Variants in FKBP7 observed in about 807,000 individuals in gnomAD.
The protein encoded by FKBP7 is peptidyl-prolyl cis-trans isomerase FKBP7.
A neutral mutation model predicts 24.3 loss-of-function variants in FKBP7; 24 were observed. That is an observed-to-expected ratio of 0.99 (90% CI 0.72 to 1.39). FKBP7 has a LOEUF of 1.39. FKBP7 is among the 40% of genes most tolerant of loss of function. FKBP7 has a pLI of 0.00. For synonymous variants in FKBP7, 98 were observed against 92.8 expected (o/e 1.06, Z -0.32); for missense variants, 257 against 269.5 (o/e 0.95, Z 0.33).
chr2:178,465,646 T>C lies in FKBP7; in HGVS notation c.*124A>G, dbSNP rs1289432772. 2.3e-6 allele frequency: 2 copies of C among 877,364 alleles called. No individual in the cohort carries two copies. The highest frequency in any genetic ancestry group is 3.3e-6 in the Non-Finnish European group (2 of 613,418). The allele number at this position is 877,364 out of a possible 1,614,324, so 54.3% of individuals were successfully genotyped here. On this transcript the variant is annotated 3_prime_UTR_variant, in exon 4 of 4. Transcript: ENST00000424785. The stretch of plus-strand genomic sequence containing the variant: ...CATTTATTATACCAAAATCAATGTA[T>C]TGGGGAGATCAAAATATCTTCTCAT...
chr2:178,472,817 G>A (rs368429912), intron 2 of FKBP7, among the ~76,000 whole-genome samples: 50 of 116,248 alleles, frequency 4.3e-4, no homozygotes, highest in Admixed American at 8.5e-4. Flanking sequence ...ACACCACTGC[G>A]CTCCAATCTG....
chr2:178,469,933 A>G (rs780110171), intron 2 of FKBP7, 148 bp from the exon 3 acceptor site: 1 of 597,620 alleles, frequency 1.7e-6, no homozygotes, highest in Non-Finnish European at 2.5e-6. Flanking sequence ...CTCATCTTTT[A>G]TAACTTTTTT....
chr2:178,467,568 G>A (rs954094789), intron 3 of FKBP7, among the ~76,000 whole-genome samples: 4 of 151,940 alleles, frequency 2.6e-5, no homozygotes, highest in African/African-American at 9.7e-5. Flanking sequence ...CTATATTGTA[G>A]GATTGATATG....
At chr2:178,472,124 TA>T (rs959712186) in intron 2 of FKBP7, among the ~76,000 whole-genome samples, 1 of 151,472 alleles carries the variant, frequency 6.6e-6, no homozygotes, top group Non-Finnish European at 1.5e-5. Context: ...GCCCAGGCTG[TA>T]GTGCAGTGTC....
Position 178,464,071 on chromosome 2 carries a change from C to T in FKBP7, c.*1699G>A, listed in dbSNP as rs1684591169. The stretch of plus-strand genomic sequence containing the variant: ...ATAAGGTGTCAAATTATGTGCTAGC[C>T]ATATGTATTATTTACTAATCTCATG... On this transcript the variant is annotated 3_prime_UTR_variant, in exon 4 of 4. Coordinates refer to ENST00000424785, the MANE Select transcript of FKBP7 (RefSeq NM_181342.3). The T allele has an allele frequency of 1.3e-5, 2 of 152,056 alleles. No individual in the cohort carries two copies. Among genetic ancestry groups the T allele is most frequent in the Non-Finnish European group, 2.9e-5 (2 of 68,008 alleles). The allele number at this position is 152,056 out of a possible 1,614,324, so 9.4% of individuals were successfully genotyped here.
At chr2:178,472,871 AG>A (rs1553602884) in intron 2 of FKBP7, among the ~76,000 whole-genome samples, 13,174 of 138,944 alleles carry the variant, frequency 0.095, 892 homozygotes, top group Non-Finnish European at 0.15. Context: ...AAAAAAAAAA[AG>A]GATATATTGC....
rs566762075 is a variant in FKBP7 at position 178,465,916 on chromosome 2, G to C, written c.523C>G (p.Gln175Glu). 2.5e-6 allele frequency: 4 copies of C among 1,601,226 alleles called. No individual in the cohort carries two copies. The Admixed American group carries it at 5.3e-5, about 21-fold the overall frequency. The change falls in exon 4 of 4, where the codon CAA (glutamine) becomes GAA (glutamate). Residue 175 changes from glutamine (Q) to glutamate (E), a missense_variant. Gln to Glu is a conservative substitution (Grantham distance 29, BLOSUM62 2). Transcript: ENST00000424785. ...LSKAEINLYLQREFEKDEKPR... is the reference protein window; with the variant it reads ...LSKAEINLYLEREFEKDEKPR... Reference sequence around the variant, plus strand: ...TTCTCATCTTTTTCAAATTCCCTTTGCAAGTAGAGGTTTATCTGGAAGGCC... The same window carrying C: ...TTCTCATCTTTTTCAAATTCCCTTTCCAAGTAGAGGTTTATCTGGAAGGCC...
At chr2:178,476,805 A>C (rs1685016808) in intron 2 of FKBP7, among the ~76,000 whole-genome samples, 1 of 150,102 alleles carries the variant, frequency 6.7e-6, no homozygotes, top group Non-Finnish European at 1.5e-5. Context: ...GGCCTCCCAA[A>C]GTGTTGGGAT....
chr2:178,466,532 C>T (rs1684662886), intron 3 of FKBP7, among the ~76,000 whole-genome samples: 2 of 151,978 alleles, frequency 1.3e-5, no homozygotes, highest in African/African-American at 4.8e-5. Flanking sequence ...AGCCACTAGC[C>T]ACATGTGACT....
intron 1 of FKBP7, 101 bp from the exon 2 acceptor site, chr2:178,477,314 C>A (rs1685039116): frequency 6.9e-6 from 8 of 1,155,428 alleles, no homozygotes; most frequent in Non-Finnish European, 1.0e-5. Flanking sequence ...CCATCATTCC[C>A]ATATAATCAC....
chr2:178,467,035 C>G lies in FKBP7; in HGVS notation c.508-1104G>C, dbSNP rs186253864. On this transcript the variant is annotated intron_variant, in intron 3 of 3. Coordinates refer to ENST00000424785, the MANE Select transcript of FKBP7 (RefSeq NM_181342.3). ...AATGGGACTTTGGTCCTACATGAGGCAGACACATTTTTTTCTTCCAGCCAA... is the reference window on the plus strand; with the variant it reads ...AATGGGACTTTGGTCCTACATGAGGGAGACACATTTTTTTCTTCCAGCCAA... 1.5e-3 allele frequency among the ~76,000 whole-genome samples: 222 copies of G among 152,308 alleles called. 5 individuals carry two copies. The South Asian group carries it at 0.022, about 15-fold the overall frequency.
intron 3 of FKBP7, among the ~76,000 whole-genome samples, chr2:178,468,117 GAA>G (rs952935960): frequency 6.6e-6 from 1 of 152,050 alleles, no homozygotes; most frequent in African/African-American, 2.4e-5. Flanking sequence ...AAGAAACAGA[GAA>G]AAAGACTTAT....
At chr2:178,472,440 T>C (rs1385463350) in intron 2 of FKBP7, among the ~76,000 whole-genome samples, 1 of 151,990 alleles carries the variant, frequency 6.6e-6, no homozygotes, top group Non-Finnish European at 1.5e-5. Flanking sequence ...AATTTTGCTA[T>C]AAACATAGAA....
chr2:178,473,154 T>G, intron 2 of FKBP7: 1 of 1,164,716 alleles, frequency 8.6e-7, no homozygotes, highest in African/African-American at 1.6e-5. Context: ...TAAAATAAAG[T>G]TATAGCTAAT....
At chr2:178,465,996 G>A (rs1684646343) in intron 3 of FKBP7, 65 bp from the exon 4 acceptor site, 1 of 1,356,194 alleles carries the variant, frequency 7.4e-7, no homozygotes, top group East Asian at 2.4e-5. Context: ...GTAACTTTAA[G>A]GAATAGTTAT....
Position 178,465,744 on chromosome 2 carries a change from A to C in FKBP7, c.*26T>G. 1 of 1,534,940 alleles carries C rather than the reference A, an allele frequency of 6.5e-7. No homozygotes were observed. Among genetic ancestry groups the C allele is most frequent in the Non-Finnish European group, 8.7e-7 (1 of 1,144,386 alleles). On this transcript the variant is annotated 3_prime_UTR_variant, in exon 4 of 4. Transcript: ENST00000424785. ...TACATAAAGTACAGTAAATAGCTAAAAAAAAAAAGTAGAAATACAAATATG... is the reference window on the plus strand; with the variant it reads ...TACATAAAGTACAGTAAATAGCTAACAAAAAAAAGTAGAAATACAAATATG...
chr2:178,465,125 A>T lies in FKBP7; in HGVS notation c.*645T>A, dbSNP rs1684618544. On this transcript the variant is annotated 3_prime_UTR_variant, in exon 4 of 4. Coordinates refer to ENST00000424785, the MANE Select transcript of FKBP7 (RefSeq NM_181342.3). ...GTCTTTATGCTTGCTATAAGAGGCAAAAAGTCTTTGGTTTGGTCAAATATT... is the reference window on the plus strand; with the variant it reads ...GTCTTTATGCTTGCTATAAGAGGCATAAAGTCTTTGGTTTGGTCAAATATT... 1.3e-5 allele frequency: 2 copies of T among 152,170 alleles called. No homozygotes were observed. The highest frequency in any genetic ancestry group is 2.9e-5 in the Non-Finnish European group (2 of 68,040). The allele number at this position is 152,170 out of a possible 1,614,324, so 9.4% of individuals were successfully genotyped here.
chr2:178,470,739 A>C (rs1684826070), intron 2 of FKBP7, among the ~76,000 whole-genome samples: 2 of 152,254 alleles, frequency 1.3e-5, no homozygotes, highest in South Asian at 4.1e-4. Context: ...ACTTGAGCCC[A>C]GGAGTTTGAG....
At position 178,465,533 on chromosome 2, in the gene FKBP7, C is replaced by T. The variant is rs1012084502; in HGVS notation, c.*237G>A. 3.6e-5 allele frequency: 11 copies of T among 308,544 alleles called. No individual in the cohort carries two copies. In the Admixed American group the frequency reaches 5.5e-4, roughly 16 times the overall value. The allele number at this position is 308,544 out of a possible 1,614,324, so 19.1% of individuals were successfully genotyped here. ...CCCACTGGGACCCAGAGGTCTGTTT[C>T]ATGGTGCTACAATTCTTGTTTACAG... On this transcript the variant is annotated 3_prime_UTR_variant, in exon 4 of 4. Coordinates refer to ENST00000424785, the MANE Select transcript of FKBP7 (RefSeq NM_181342.3).
Sources: gnomAD v4.1 joint callset for allele counts (sites outside exome capture counted in the v4.1 genomes callset) on GRCh38, gnomAD v4.1.1 for gene constraint, MANE v1.5 for transcripts, NCBI Gene and HGNC (gene_info 2026-07-23, HGNC 2026-07-21) for gene names.